DISP1: variants seen among roughly 807,000 people sequenced by gnomAD.
DISP1 encodes the protein protein dispatched homolog 1.
In DISP1, 30 loss-of-function variants were observed where a neutral mutation model predicts 37.3. The observed-to-expected ratio is 0.80, with a 90% CI of 0.60 to 1.09. DISP1 has a LOEUF of 1.09. DISP1 is among the 50% of genes least tolerant of loss of function. The probability of loss-of-function intolerance (pLI) is 0.00; values close to 1 mark genes in which losing one functional copy is unlikely to be tolerated. For synonymous variants in DISP1, 634 were observed against 690.2 expected, an observed-to-expected ratio of 0.92 and a Z score of 1.28; for missense variants, 1,598 against 1,879.5, an observed-to-expected ratio of 0.85 and a Z score of 2.77.
intron 1 of DISP1, among the ~76,000 whole-genome samples, chr1:222,860,027 T>G (rs1227924343): frequency 6.6e-6 from 1 of 152,238 alleles, no homozygotes; most frequent in Non-Finnish European, 1.5e-5. Flanking sequence ...TTTTTTTCAA[T>G]AAAGGAAATT....
intron 1 of DISP1, among the ~76,000 whole-genome samples, chr1:222,910,329 C>G (rs902052148): frequency 6.6e-6 from 1 of 152,168 alleles, no homozygotes; most frequent in African/African-American, 2.4e-5. Context: ...CACTATGGCA[C>G]TCCAGCCTGG....
rs940346379 is a variant in DISP1, at chr1:222,887,486, G to GTTTTTTTT, written c.-158-40928_-158-40921dup. Among the ~76,000 whole-genome samples, 222 of 83,130 alleles carry GTTTTTTTT rather than the reference G, an allele frequency of 2.7e-3. 3 individuals are homozygous for GTTTTTTTT. The highest frequency in any genetic ancestry group is 3.2e-3 in the South Asian group (7 of 2,186). The allele number at this position is 83,130 out of a possible 152,430, so 54.5% of individuals were successfully genotyped here. On this transcript the variant is annotated intron_variant, in intron 1 of 8. Transcript: ENST00000675850. ...AATTTATAAATGTCACATTGTTTTT[G>GTTTTTTTT]TTTTTTTTTTTTTTTTTTTTTTTGA...
chr1:222,915,268 G>T (rs1303796203), intron 1 of DISP1, among the ~76,000 whole-genome samples: 3 of 152,168 alleles, frequency 2.0e-5, no homozygotes, highest in African/African-American at 7.2e-5. Context: ...AATTCCATTT[G>T]TTCCTATATA....
In DISP1 at chr1:222,960,495, C is replaced by T. The variant is rs558960572; in HGVS notation, c.509+17163C>T. Among the ~76,000 whole-genome samples, 13 of 152,260 alleles carry T rather than the reference C, an allele frequency of 8.5e-5. No homozygotes were observed. In the East Asian group the frequency reaches 2.5e-3, roughly 29 times the overall value. ...AGTGTTAAGAGGGACATTTATAGCA[C>T]TAAATGCCCACATCAGAAAGCTAGA... is the stretch of plus-strand genomic sequence containing the variant. On this transcript the variant is annotated intron_variant, in intron 3 of 8. Coordinates refer to ENST00000675850, the MANE Select transcript of DISP1 (RefSeq NM_001377229.1).
intron 1 of DISP1, among the ~76,000 whole-genome samples, chr1:222,903,615 A>G (rs765334219): frequency 6.6e-6 from 1 of 152,166 alleles, no homozygotes; most frequent in Non-Finnish European, 1.5e-5. Context: ...ATGAGAGGGA[A>G]AACAAAGTTC....
At chr1:222,888,291 A>G (rs138422285) in intron 1 of DISP1, among the ~76,000 whole-genome samples, 61 of 152,292 alleles carry the variant, frequency 4.0e-4, no homozygotes, top group African/African-American at 1.5e-3. Context: ...AGTATCACAT[A>G]TGAAATATAG....
At chr1:222,883,787 G>A (rs1168810465) in intron 1 of DISP1, among the ~76,000 whole-genome samples, 1 of 152,202 alleles carries the variant, frequency 6.6e-6, no homozygotes, top group African/African-American at 2.4e-5. Context: ...TGTACGCTGT[G>A]TAGTGTTACA....
chr1:222,825,380 C>T (rs1664084510), intron 1 of DISP1, among the ~76,000 whole-genome samples: 2 of 151,774 alleles, frequency 1.3e-5, no homozygotes, highest in South Asian at 4.2e-4. Context: ...TTTTATCTGT[C>T]AATAAATTTT....
chr1:222,886,653 C>T (rs988157999), intron 1 of DISP1, among the ~76,000 whole-genome samples: 1 of 152,176 alleles, frequency 6.6e-6, no homozygotes, highest in Non-Finnish European at 1.5e-5. Flanking sequence ...GAAGCCAGAT[C>T]GTACTTTGAT....
chr1:222,846,019 A>ATCTTT (rs1325150248), intron 1 of DISP1, among the ~76,000 whole-genome samples: 11 of 152,198 alleles, frequency 7.2e-5, no homozygotes, highest in African/African-American at 2.4e-4. Flanking sequence ...GCCTAACCTA[A>ATCTTT]GGTCTTGAAG....
intron 4 of DISP1, among the ~76,000 whole-genome samples, chr1:222,986,099 A>G (rs1257515073): frequency 6.6e-6 from 1 of 152,190 alleles, no homozygotes; most frequent in Admixed American, 6.5e-5. Context: ...CAAGGAAGGT[A>G]AAAACCAAGA....
intron 4 of DISP1, among the ~76,000 whole-genome samples, chr1:222,988,055 C>T (rs1195014954): frequency 6.6e-6 from 1 of 152,194 alleles, no homozygotes; most frequent in African/African-American, 2.4e-5. Context: ...AGCTTCTAGA[C>T]ACTTGGTGTT....
chr1:222,964,946 G>T (rs1572642789), intron 3 of DISP1, among the ~76,000 whole-genome samples: 1 of 152,098 alleles, frequency 6.6e-6, no homozygotes, highest in East Asian at 1.9e-4. Flanking sequence ...ACCCATTCTG[G>T]TTTCATGCTT....
intron 1 of DISP1, among the ~76,000 whole-genome samples, chr1:222,858,783 T>C (rs1668703868): frequency 6.6e-6 from 1 of 152,180 alleles, no homozygotes; most frequent in South Asian, 2.1e-4. Flanking sequence ...CACAATGAGA[T>C]ACCATCTAAC....
Position 223,003,809 on chromosome 1 carries a change from C to T in DISP1, c.2412C>T (p.Pro804=), listed in dbSNP as rs1419395968. 1.9e-6 allele frequency: 3 copies of T among 1,614,094 alleles called. No homozygotes were observed. The highest frequency in any genetic ancestry group is 3.3e-5 in the Admixed American group (2 of 60,008). ...SPEDNGNPLN[P]KSKGKLTLDS... is the part of the protein sequence containing the mutation. Reference sequence around the variant, plus strand: ...AAGACAATGGCAACCCACTAAATCCCAAGAGTAAAGGGAAGTTGACATTAG... The same window carrying T: ...AAGACAATGGCAACCCACTAAATCCTAAGAGTAAAGGGAAGTTGACATTAG... The change falls in exon 9 of 9, where the codon CCC becomes CCT. Residue 804 remains proline, a synonymous_variant. Coordinates refer to ENST00000675850, the MANE Select transcript of DISP1 (RefSeq NM_001377229.1). The surrounding 1 kb of genome is among the most constrained non-coding windows in gnomAD (Gnocchi z 4.3).
chr1:222,845,167 A>G lies in DISP1; in HGVS notation c.-159+30089A>G, dbSNP rs144286518. On this transcript the variant is annotated intron_variant, in intron 1 of 8. Coordinates refer to ENST00000675850, the MANE Select transcript of DISP1 (RefSeq NM_001377229.1). ...GCCATTGCTAGCTTTTGGTAGTGCT[A>G]AAGAGTTTTGCAAAAATGATTTTTC... is the stretch of plus-strand genomic sequence containing the variant. 4.4e-3 allele frequency among the ~76,000 whole-genome samples: 672 copies of G among 152,320 alleles called. 5 individuals are homozygous for G. The highest frequency in any genetic ancestry group is 0.015 in the African/African-American group (632 of 41,578).
intron 1 of DISP1, among the ~76,000 whole-genome samples, chr1:222,907,687 C>G (rs1283896624): frequency 2.6e-5 from 4 of 152,240 alleles, no homozygotes; most frequent in African/African-American, 7.2e-5. Context: ...TGCAGTGGCT[C>G]ATGCCTGTAA....
At chr1:222,920,439 C>T (rs1007194326) in intron 1 of DISP1, among the ~76,000 whole-genome samples, 12 of 152,156 alleles carry the variant, frequency 7.9e-5, no homozygotes, top group Non-Finnish European at 1.3e-4. Context: ...AGATGATCTA[C>T]AGTCTACTTA....
intron 1 of DISP1, among the ~76,000 whole-genome samples, chr1:222,853,866 A>G (rs1271649553): frequency 6.6e-6 from 1 of 152,222 alleles, no homozygotes; most frequent in Non-Finnish European, 1.5e-5. Context: ...TATATTGTAT[A>G]GTTTCAAATA....
Sources: gnomAD v4.1 joint callset for allele counts (sites outside exome capture counted in the v4.1 genomes callset) on GRCh38, gnomAD v4.1.1 for gene constraint, Gnocchi (gnomAD v3.1) non-coding constraint, MANE v1.5 for transcripts, NCBI Gene and HGNC (gene_info 2026-07-23, HGNC 2026-07-21) for gene names.